ZMPSTE24: variants seen among roughly 807,000 people sequenced by gnomAD.
ZMPSTE24 encodes the protein CAAX prenyl protease 1 homolog.
ZMPSTE24 carries 48 observed loss-of-function variants against 56.7 expected under a neutral mutation model. The observed-to-expected ratio is 0.85, with a 90% CI of 0.67 to 1.08. The LOEUF (loss-of-function observed/expected upper bound fraction) is 1.08, where lower values mean the gene tolerates loss of function less well. ZMPSTE24 is among the 50% of genes least tolerant of loss of function. The pLI is 0.00. For synonymous variants in ZMPSTE24, 172 were observed against 195.2 expected (o/e 0.88, Z 0.99); for missense variants, 503 against 548.7 (o/e 0.92, Z 0.83).
intron 6 of ZMPSTE24, among the ~76,000 whole-genome samples, chr1:40,273,312 G>A (rs1228958285): frequency 1.3e-5 from 2 of 151,824 alleles, no homozygotes; most frequent in African/African-American, 2.4e-5. Flanking sequence ...GAGGTCAGGC[G>A]TTCGAGACCA....
Position 40,267,817 on chromosome 1 carries a change from TC to T in ZMPSTE24, c.303del (p.Trp102GlyfsTer35). ...LILLFGGIPY[L>X]WRLSGRFCGY... The stretch of plus-strand genomic sequence containing the variant: ...CTTCTCTTTGGAGGAATACCTTATC[TC>T]TGGAGACTTTCTGGACGGTTCTGTG... On this transcript the variant is annotated frameshift_variant, in exon 3 of 10. Transcript: ENST00000372759. LOFTEE classifies it high-confidence loss of function. 1.2e-6 allele frequency: 2 copies of T among 1,613,934 alleles called. No homozygotes were observed. The highest frequency in any genetic ancestry group is 1.7e-6 in the Non-Finnish European group (2 of 1,179,828).
chr1:40,261,945 G>A (rs1356994933), intron 2 of ZMPSTE24, among the ~76,000 whole-genome samples: 2 of 152,104 alleles, frequency 1.3e-5, no homozygotes, highest in Admixed American at 6.6e-5. Context: ...TCTTGACCTC[G>A]TGATCTGCCT....
chr1:40,262,802 G>T, intron 2 of ZMPSTE24: 1 of 1,177,682 alleles, frequency 8.5e-7, no homozygotes, highest in African/African-American at 1.7e-5. Context: ...TTGCTGTTTT[G>T]TCAACTGACA....
intron 7 of ZMPSTE24, among the ~76,000 whole-genome samples, chr1:40,283,255 GC>G (rs1643748174): frequency 6.6e-6 from 1 of 152,144 alleles, no homozygotes; most frequent in Admixed American, 6.5e-5. Flanking sequence ...TGTAATCCCA[GC>G]ACTTTGGAAG....
intron 8 of ZMPSTE24, among the ~76,000 whole-genome samples, chr1:40,288,964 A>G (rs1251517378): frequency 6.6e-6 from 1 of 151,960 alleles, no homozygotes; most frequent in Non-Finnish European, 1.5e-5. Context: ...TCCCTTCACC[A>G]CTGCCTTCCA....
At chr1:40,277,258 T>C (rs1014701834) in intron 6 of ZMPSTE24, among the ~76,000 whole-genome samples, 1 of 152,008 alleles carries the variant, frequency 6.6e-6, no homozygotes. Context: ...GCTAATTTTT[T>C]TGTATTTTTA....
chr1:40,291,008 A>G lies in ZMPSTE24; in HGVS notation c.1203+11A>G, dbSNP rs1410411568. 4 of 1,613,356 alleles carry G rather than the reference A, an allele frequency of 2.5e-6. No homozygotes were observed. The highest frequency in any genetic ancestry group is 1.7e-5 in the Admixed American group (1 of 59,984). ...TCACCTTACAATGAGGTAATGTATG[A>G]TCTTTAAAATTATCACACATATGCT... On this transcript the variant is annotated intron_variant, in intron 9 of 9. Transcript: ENST00000372759.
At chr1:40,287,580 CA>C (rs1643800066) in intron 8 of ZMPSTE24, among the ~76,000 whole-genome samples, 1 of 150,882 alleles carries the variant, frequency 6.6e-6, no homozygotes, top group South Asian at 2.1e-4. Context: ...GAGGCTGAGG[CA>C]GGAGAATTGC....
intron 2 of ZMPSTE24, chr1:40,262,651 A>G (rs1643508558): frequency 1.5e-5 from 3 of 205,786 alleles, no homozygotes; most frequent in South Asian, 2.1e-4. Flanking sequence ...TACATTAAAC[A>G]TATCCAAGAT....
chr1:40,265,478 G>A (rs1168025578), intron 2 of ZMPSTE24, among the ~76,000 whole-genome samples: 1 of 152,164 alleles, frequency 6.6e-6, no homozygotes, highest in Non-Finnish European at 1.5e-5. Context: ...CACTTTGGGA[G>A]GCCACAGTGA....
At chr1:40,283,726 G>A (rs1350827127) in intron 7 of ZMPSTE24, among the ~76,000 whole-genome samples, 3 of 151,958 alleles carry the variant, frequency 2.0e-5, no homozygotes, top group Non-Finnish European at 2.9e-5. Flanking sequence ...AGGTCCTATG[G>A]TTGTAAGAAA....
chr1:40,291,737 C>T (rs1041045400), intron 9 of ZMPSTE24, among the ~76,000 whole-genome samples: 4 of 151,092 alleles, frequency 2.6e-5, no homozygotes, highest in Non-Finnish European at 4.4e-5. Flanking sequence ...GGTGGGGACA[C>T]CAGGAAAGAA....
Position 40,279,803 on chromosome 1 carries a change from G to GTAA in ZMPSTE24, c.770-1538_770-1536dup, listed in dbSNP as rs530756401. ...GATTTGCTGTGCATACTTCTCAGAT[G>GTAA]TAATGGTTTTGCCAGGATTCAGAAA... On this transcript the variant is annotated intron_variant, in intron 6 of 9. Coordinates refer to ENST00000372759, the MANE Select transcript of ZMPSTE24 (RefSeq NM_005857.5). 1.8e-4 allele frequency among the ~76,000 whole-genome samples: 28 copies of GTAA among 152,284 alleles called. No homozygotes were observed. The East Asian group carries it at 4.4e-3, about 24-fold the overall frequency.
intron 5 of ZMPSTE24, 69 bp from the exon 6 acceptor site, chr1:40,271,825 A>G: frequency 6.5e-7 from 1 of 1,535,466 alleles, no homozygotes; most frequent in Non-Finnish European, 8.9e-7. Context: ...ATATAATTTA[A>G]TCTGTATAAT....
At chr1:40,277,964 C>CAAAAAAA (rs35695915) in intron 6 of ZMPSTE24, among the ~76,000 whole-genome samples, 6 of 48,300 alleles carry the variant, frequency 1.2e-4, no homozygotes, top group Admixed American at 4.4e-4. Context: ...GACTCCATCT[C>CAAAAAAA]AAAAAAAAAA....
chr1:40,261,110 G>T, intron 2 of ZMPSTE24, 125 bp downstream of exon 2: 2 of 1,217,558 alleles, frequency 1.6e-6, no homozygotes, highest in African/African-American at 1.5e-5. Flanking sequence ...GTTATTGATA[G>T]TAACGGCTGT....
intron 6 of ZMPSTE24, among the ~76,000 whole-genome samples, chr1:40,273,537 A>AAAAAAAAAAATAT (rs1224234676): frequency 1.6e-4 from 2 of 12,388 alleles, no homozygotes; most frequent in Admixed American, 1.3e-3. Context: ...AAAAAAAAAA[A>AAAAAAAAAAATAT]ATATATATAT....
chr1:40,274,838 C>T (rs1643652535), intron 6 of ZMPSTE24, among the ~76,000 whole-genome samples: 1 of 152,034 alleles, frequency 6.6e-6, no homozygotes, highest in Non-Finnish European at 1.5e-5. Context: ...GAAGTGGATA[C>T]ATTTGGGACA....
At chr1:40,264,932 T>G in intron 2 of ZMPSTE24, among the ~76,000 whole-genome samples, 1 of 147,572 alleles carries the variant, frequency 6.8e-6, no homozygotes, top group Non-Finnish European at 1.5e-5. Context: ...GTCAAAGCGC[T>G]GGAATTATTT....
Sources: gnomAD v4.1 joint callset for allele counts (sites outside exome capture counted in the v4.1 genomes callset) on GRCh38, gnomAD v4.1.1 for gene constraint, MANE v1.5 for transcripts, NCBI Gene and HGNC (gene_info 2026-07-23, HGNC 2026-07-21) for gene names.